The following MEGF6 variants were observed in gnomAD, a reference collection of about 807,000 sequenced individuals.
MEGF6 encodes the protein multiple EGF like domains 6, also known as multiple epidermal growth factor-like domains protein 6.
MEGF6 carries 184 observed loss-of-function variants against 207.1 expected under a neutral mutation model. The ratio of observed to expected loss-of-function variants is 0.89; its 90% CI spans 0.79 to 1.00. MEGF6 has a LOEUF of 1.00. Among genes scored for constraint, MEGF6 ranks in the 50% least tolerant of loss-of-function variants. The pLI is 0.00. For missense variants in MEGF6, 2,282 were observed against 2,202.9 expected (o/e 1.04, Z -0.72); for synonymous variants, 1,038 against 910.0 (o/e 1.14, Z -2.53).
chr1:3,521,371 T>C (rs2794365), intron 5 of MEGF6, among the ~76,000 whole-genome samples: 85,461 of 152,008 alleles, frequency 0.56, 24,288 homozygotes, highest in South Asian at 0.61. Flanking sequence ...CAAGCCCTCA[T>C]AGAGTCCAGG....
chr1:3,495,788 G>T, intron 30 of MEGF6, 102 bp downstream of exon 30: 1 of 1,415,890 alleles, frequency 7.1e-7, no homozygotes, highest in Non-Finnish European at 9.4e-7. Context: ...GCCAGGATGT[G>T]CGGGTGTCTG....
chr1:3,600,690 A>G (rs1231464682), intron 2 of MEGF6, among the ~76,000 whole-genome samples: 2 of 152,156 alleles, frequency 1.3e-5, no homozygotes, highest in Non-Finnish European at 2.9e-5. Context: ...CAAATTGGAA[A>G]CGTGGGATTT....
intron 5 of MEGF6, among the ~76,000 whole-genome samples, chr1:3,522,771 C>G (rs907981005): frequency 6.6e-6 from 1 of 152,152 alleles, no homozygotes; most frequent in African/African-American, 2.4e-5. Flanking sequence ...AGAGGCCCCA[C>G]TGGGCTGACA....
intron 14 of MEGF6, among the ~76,000 whole-genome samples, chr1:3,506,968 GT>G (rs1453294032): frequency 1.2e-4 from 19 of 152,372 alleles, no homozygotes; most frequent in Admixed American, 7.8e-4. Context: ...AGCCTGGAGG[GT>G]ACAGCACGAT....
chr1:3,509,899 C>A lies in MEGF6; in HGVS notation c.1328G>T (p.Arg443Leu). 6.4e-7 allele frequency: 1 copy of A among 1,560,334 alleles called. No individual in the cohort carries two copies. ...GCAGCCCCTACGGTCCTCGTGCAGC[C>A]GGTAGCCGGCCTCGCAGGAGCACTG... is the stretch of plus-strand genomic sequence containing the variant. Reference protein sequence around the residue: ...SFQCSCEAGYRLHEDRRGCSP... With the variant: ...SFQCSCEAGYLLHEDRRGCSP... The change falls in exon 11 of 37, where the codon CGG becomes CTG. Residue 443 changes from arginine (R) to leucine (L), a missense_variant. Physicochemically the swap from Arg to Leu is moderately radical, Grantham distance 102. Transcript: ENST00000356575.
chr1:3,523,372 GC>G (rs972317207), intron 5 of MEGF6, among the ~76,000 whole-genome samples: 2 of 152,254 alleles, frequency 1.3e-5, no homozygotes, highest in Admixed American at 6.5e-5. Flanking sequence ...CTGGGCTCCA[GC>G]CCCCTGCTCA....
intron 3 of MEGF6, among the ~76,000 whole-genome samples, chr1:3,587,014 C>G (rs1643902709): frequency 6.6e-6 from 1 of 152,260 alleles, no homozygotes; most frequent in South Asian, 2.1e-4. Flanking sequence ...AAGGCCACCA[C>G]CCCCGTCCGG....
chr1:3,508,052 C>A (rs1641185700), intron 13 of MEGF6, 129 bp from the exon 14 acceptor site: 2 of 986,782 alleles, frequency 2.0e-6, no homozygotes, highest in Admixed American at 5.5e-5. Flanking sequence ...TGTACCACAT[C>A]ACCCCTGCCC....
At position 3,502,050 on chromosome 1, in the gene MEGF6, C is replaced by CGCCTCCTCACATG; in HGVS notation, c.2189-130_2189-129insCATGTGAGGAGGC. 2.4e-4 allele frequency: 9 copies of CGCCTCCTCACATG among 36,942 alleles called. 1 individual carries two copies. Among genetic ancestry groups the CGCCTCCTCACATG allele is most frequent in the African/African-American group, 1.5e-3 (5 of 3,358 alleles). 2.3% of individuals were successfully genotyped at this position (36,942 alleles called of 1,614,324 possible). ...TGGGCTCCTGGCGAGTGTGCCCCCC[C>CGCCTCCTCACATG]GGCGCCTCCTCACATGGGCTCCTGG... On this transcript the variant is annotated intron_variant, in intron 17 of 36. Transcript: ENST00000356575.
chr1:3,529,653 C>T lies in MEGF6; in HGVS notation c.482-5407G>A, dbSNP rs372071015. Among the ~76,000 whole-genome samples the T allele has an allele frequency of 8.7e-4, 132 of 152,296 alleles. 2 individuals are homozygous for T. Among genetic ancestry groups the T allele is most frequent in the African/African-American group, 2.9e-3 (120 of 41,562 alleles). ...ACGGGCTGGTTCACCAGGAGCCTGG[C>T]GAGACCTGCAGTGTCTACCAGGCTG... On this transcript the variant is annotated intron_variant, in intron 4 of 36. Coordinates refer to ENST00000356575, the MANE Select transcript of MEGF6 (RefSeq NM_001409.4).
chr1:3,580,700 G>A (rs376244837), intron 3 of MEGF6, among the ~76,000 whole-genome samples: 2 of 152,064 alleles, frequency 1.3e-5, no homozygotes, highest in African/African-American at 2.4e-5. Context: ...TTCCTTCACC[G>A]GGCAGCCCCT....
intron 8 of MEGF6, 142 bp downstream of exon 8, chr1:3,511,864 C>A (rs4648514): frequency 6.9e-7 from 1 of 1,458,500 alleles, no homozygotes; most frequent in South Asian, 1.3e-5. Flanking sequence ...TCCCTCGACC[C>A]TCTGCTCACC....
At chr1:3,550,486 C>A (rs1380061883) in intron 4 of MEGF6, among the ~76,000 whole-genome samples, 2 of 146,598 alleles carry the variant, frequency 1.4e-5, no homozygotes, top group African/African-American at 5.5e-5. Context: ...GATGAATGCA[C>A]AAAGGGTCGC....
chr1:3,574,100 C>A (rs531708987), intron 4 of MEGF6, among the ~76,000 whole-genome samples: 1 of 151,894 alleles, frequency 6.6e-6, no homozygotes, highest in Non-Finnish European at 1.5e-5. Context: ...GCAGGGAAAC[C>A]GAGGTTTCCT....
At chr1:3,504,253 T>C (rs116728185) in intron 17 of MEGF6, among the ~76,000 whole-genome samples, 1,634 of 152,244 alleles carry the variant, frequency 0.011, 22 homozygotes, top group African/African-American at 0.037. Context: ...CCAATGGGCG[T>C]GGACAGCGTG....
At chr1:3,531,207 C>G in intron 4 of MEGF6, 1 of 1,500,182 alleles carries the variant, frequency 6.7e-7, no homozygotes. Context: ...GCCCAAGGCA[C>G]CAGAGCGCGG....
At chr1:3,528,326 C>T (rs1642034825) in intron 4 of MEGF6, among the ~76,000 whole-genome samples, 1 of 152,260 alleles carries the variant, frequency 6.6e-6, no homozygotes, top group African/African-American at 2.4e-5. Context: ...AGGCACCCCA[C>T]GTGATGGCAG....
chr1:3,566,777 G>A (rs1181679888), intron 4 of MEGF6, among the ~76,000 whole-genome samples: 9 of 152,230 alleles, frequency 5.9e-5, no homozygotes, highest in African/African-American at 2.2e-4. Context: ...AGGGATCCCA[G>A]CAGACACCTG....
Position 3,500,670 on chromosome 1 carries a change from C to A in MEGF6, c.2670G>T (p.Leu890=), listed in dbSNP as rs568793297. Residue 890 remains leucine, a synonymous_variant, in exon 21 of 37, where the codon CTG becomes CTT. Coordinates refer to ENST00000356575, the MANE Select transcript of MEGF6 (RefSeq NM_001409.4). ...GCGGGCCCACGTAGCCAGCCTCACA[C>A]AGACACAGGCCGCTGATGGCATCAC... is the stretch of plus-strand genomic sequence containing the variant. ...GSCDAISGLC[L]CEAGYVGPRC... is the part of the protein sequence containing the mutation. The A allele has an allele frequency of 1.3e-6, 2 of 1,571,326 alleles. No individual in the cohort carries two copies. The highest frequency in any genetic ancestry group is 2.7e-5 in the African/African-American group (2 of 74,034).
Sources: allele counts gnomAD v4.1 joint callset (sites outside exome capture counted in the v4.1 genomes callset), GRCh38; gene constraint gnomAD v4.1.1; transcripts MANE v1.5; gene names NCBI Gene and HGNC (gene_info 2026-07-23, HGNC 2026-07-21).